Variants in RALGAPB observed in about 807,000 individuals in gnomAD.
The protein encoded by RALGAPB is ral GTPase-activating protein subunit beta.
RALGAPB carries 25 observed loss-of-function variants against 161.1 expected under a neutral mutation model. The ratio of observed to expected loss-of-function variants is 0.16; its 90% CI spans 0.11 to 0.22. The LOEUF (loss-of-function observed/expected upper bound fraction) is 0.22. RALGAPB is among the 10% of genes least tolerant of loss of function. The pLI is 1.00. For missense variants in RALGAPB, 1,391 were observed against 1,815.2 expected (o/e 0.77, Z 4.25); for synonymous variants, 629 against 626.1 (o/e 1.00, Z -0.07).
At chr20:38,539,434 C>T (rs2086901433) in intron 16 of RALGAPB, among the ~76,000 whole-genome samples, 1 of 152,136 alleles carries the variant, frequency 6.6e-6, no homozygotes, top group African/African-American at 2.4e-5. Flanking sequence ...TTCTGCAGAG[C>T]CTAGTGCATC....
In RALGAPB at chr20:38,517,621, T is replaced by A; in HGVS notation, c.1167T>A (p.Val389=). The A allele has an allele frequency of 6.2e-7, 1 of 1,614,066 alleles. No individual in the cohort carries two copies. The highest frequency in any genetic ancestry group is 8.5e-7 in the Non-Finnish European group (1 of 1,180,020). Residue 389 remains valine, a synonymous_variant, in exon 8 of 30, where the codon GTT becomes GTA. Transcript: ENST00000262879. ...CACATAACCGGAGGCACCGGGCTGTTACTGTGAATAAGGCCACCATGAAGA... is the reference window on the plus strand; with the variant it reads ...CACATAACCGGAGGCACCGGGCTGTAACTGTGAATAAGGCCACCATGAAGA... The part of the protein sequence containing the change: ...TPPHNRRHRA[V]TVNKATMKTS...
intron 17 of RALGAPB, among the ~76,000 whole-genome samples, chr20:38,540,737 A>G (rs1028850326): frequency 2.0e-5 from 3 of 152,050 alleles, no homozygotes; most frequent in African/African-American, 7.2e-5. Context: ...CTGAATTACT[A>G]TTTAATCTCT....
Position 38,552,513 on chromosome 20 carries a change from T to G in RALGAPB, c.3162+1290T>G, listed in dbSNP as rs562114254. Among the ~76,000 whole-genome samples, 126 of 152,206 alleles carry G rather than the reference T, an allele frequency of 8.3e-4. 1 individual carries two copies. The highest frequency in any genetic ancestry group is 2.9e-3 in the African/African-American group (120 of 41,516). On this transcript the variant is annotated intron_variant, in intron 21 of 29. Coordinates refer to ENST00000262879, the MANE Select transcript of RALGAPB (RefSeq NM_020336.4). ...GAGGATTATGAACATGCTTATAGAT[T>G]GAAAGGAAGAAACCAGTAGAGAGGA...
rs201121099 is a variant in RALGAPB at position 38,521,483 on chromosome 20, T to C, written c.1418-14T>C. 1.5e-5 allele frequency: 25 copies of C among 1,613,826 alleles called. No individual in the cohort carries two copies. The highest frequency in any genetic ancestry group is 8.5e-7 in the Non-Finnish European group (1 of 1,179,886). On this transcript the variant is annotated splice_polypyrimidine_tract_variant and intron_variant, in intron 9 of 29. Coordinates refer to ENST00000262879, the MANE Select transcript of RALGAPB (RefSeq NM_020336.4). ...TATTGCAAATATAATAAAACCCTCC[T>C]TTTCTCTCCCCAGCCATTACAACAC...
At chr20:38,474,451 AT>A (rs377462634) in intron 1 of RALGAPB, among the ~76,000 whole-genome samples, 9 of 150,852 alleles carry the variant, frequency 6.0e-5, no homozygotes, top group Admixed American at 1.3e-4. Flanking sequence ...TAATTTTTGA[AT>A]TTTTTTTGTA....
At position 38,566,988 on chromosome 20, in the gene RALGAPB, G is replaced by A. The variant is rs1373692897; in HGVS notation, c.3818-108G>A. 7 of 1,458,124 alleles carry A rather than the reference G, an allele frequency of 4.8e-6. No individual in the cohort carries two copies. The East Asian group carries it at 1.7e-4, about 35-fold the overall frequency. The allele number at this position is 1,458,124 out of a possible 1,614,324, so 90.3% of individuals were successfully genotyped here. A position where few individuals can be genotyped will look rare whatever the true frequency, so the allele number is the denominator to read the frequency against. The stretch of plus-strand genomic sequence containing the variant: ...TGTCAGCCCTTGCTCTCGAAGCAAT[G>A]CTTTGTTTAAGTGATTTAGGTTAGA... On this transcript the variant is annotated intron_variant, in intron 25 of 29. Coordinates refer to ENST00000262879, the MANE Select transcript of RALGAPB (RefSeq NM_020336.4).
chr20:38,557,989 A>G (rs2087647665), intron 22 of RALGAPB, among the ~76,000 whole-genome samples: 1 of 152,236 alleles, frequency 6.6e-6, no homozygotes, highest in Non-Finnish European at 1.5e-5. Flanking sequence ...TTTCACCAGT[A>G]AGGAATGAGA....
Position 38,548,654 on chromosome 20 carries a change from G to A in RALGAPB, c.2903-35G>A, listed in dbSNP as rs770549414. On this transcript the variant is annotated intron_variant, in intron 19 of 29. Coordinates refer to ENST00000262879, the MANE Select transcript of RALGAPB (RefSeq NM_020336.4). Reference sequence around the variant, plus strand: ...AGTTTATTTTAAATGGTTGTTGTCTGAAATTAAAACTTTTATATACATATT... The same window carrying A: ...AGTTTATTTTAAATGGTTGTTGTCTAAAATTAAAACTTTTATATACATATT... The A allele has an allele frequency of 1.3e-5, 19 of 1,513,550 alleles. No individual in the cohort carries two copies. In the South Asian group the frequency reaches 2.1e-4, roughly 17 times the overall value. The allele number at this position is 1,513,550 out of a possible 1,614,324, so 93.8% of individuals were successfully genotyped here.
chr20:38,518,693 A>G (rs2086203976), intron 9 of RALGAPB, among the ~76,000 whole-genome samples: 1 of 152,122 alleles, frequency 6.6e-6, no homozygotes, highest in Non-Finnish European at 1.5e-5. Context: ...AATGTTTTGA[A>G]TATTTATAAT....
At chr20:38,493,222 T>TCAGAGGACTAACAATGAA in intron 3 of RALGAPB, 90 bp downstream of exon 3, 1 of 1,055,626 alleles carries the variant, frequency 9.5e-7, no homozygotes, top group Non-Finnish European at 1.4e-6. Context: ...ATTTCATTGT[T>TCAGAGGACTAACAATGAA]AGTCCTCTGA....
Position 38,497,637 on chromosome 20 carries a change from G to T in RALGAPB, c.553+121G>T, listed in dbSNP as rs370010432. The T allele has an allele frequency of 1.6e-5, 17 of 1,075,796 alleles. No individual in the cohort carries two copies. In the South Asian group the frequency reaches 2.4e-4, roughly 15 times the overall value. The allele number at this position is 1,075,796 out of a possible 1,614,324, so 66.6% of individuals were successfully genotyped here. On this transcript the variant is annotated intron_variant, in intron 4 of 29. Coordinates refer to ENST00000262879, the MANE Select transcript of RALGAPB (RefSeq NM_020336.4). ...TTGGCATGATGGTTTACAAACAAAG[G>T]TTAACAGTTCTTAGAATGGAAACTC...
intron 24 of RALGAPB, among the ~76,000 whole-genome samples, chr20:38,564,612 A>G (rs1171354159): frequency 6.6e-6 from 1 of 152,086 alleles, no homozygotes; most frequent in Non-Finnish European, 1.5e-5. Flanking sequence ...GTTCATTTTA[A>G]TTGAGAACTA....
chr20:38,519,710 A>G (rs1482102254), intron 9 of RALGAPB, among the ~76,000 whole-genome samples: 2 of 152,204 alleles, frequency 1.3e-5, no homozygotes, highest in South Asian at 2.1e-4. Flanking sequence ...TACATTACCC[A>G]GGAGATATGA....
At chr20:38,514,498 G>A (rs985460857) in intron 6 of RALGAPB, among the ~76,000 whole-genome samples, 1 of 152,256 alleles carries the variant, frequency 6.6e-6, no homozygotes, top group East Asian at 1.9e-4. Flanking sequence ...CCTCCTTTAG[G>A]ACAGTTTTAC....
chr20:38,564,818 C>T (rs2087925551), intron 24 of RALGAPB, among the ~76,000 whole-genome samples: 1 of 152,110 alleles, frequency 6.6e-6, no homozygotes, highest in Non-Finnish European at 1.5e-5. Flanking sequence ...AGATAACGCA[C>T]ATGTGCACTC....
chr20:38,505,896 G>A (rs1442047247), intron 5 of RALGAPB, among the ~76,000 whole-genome samples: 1 of 152,040 alleles, frequency 6.6e-6, no homozygotes, highest in Admixed American at 6.5e-5. Flanking sequence ...CAAAAAAGTT[G>A]ACAATTCTTT....
rs2087481151 is a variant in RALGAPB, at chr20:38,553,896, T to C, written c.3192T>C (p.Ser1064=). The C allele has an allele frequency of 6.2e-7, 1 of 1,611,796 alleles. No homozygotes were observed. Among genetic ancestry groups the C allele is most frequent in the Non-Finnish European group, 8.5e-7 (1 of 1,179,182 alleles). Residue 1064 remains serine (S), a synonymous_variant, in exon 22 of 30, where the codon AGT becomes AGC. Coordinates refer to ENST00000262879, the MANE Select transcript of RALGAPB (RefSeq NM_020336.4). ...ELEERHEKLR[S]GMAQQIAYEI... ...AAGAGAGACACGAAAAATTAAGGAG[T>C]GGCATGGCCCAGCAGATTGCTTATG... is the stretch of plus-strand genomic sequence containing the variant.
intron 2 of RALGAPB, 25 bp from the exon 3 acceptor site, chr20:38,492,905 T>C: frequency 6.4e-7 from 1 of 1,551,782 alleles, no homozygotes; most frequent in African/African-American, 1.4e-5. Flanking sequence ...GTAATAATTC[T>C]ATATGGATAT....
intron 5 of RALGAPB, among the ~76,000 whole-genome samples, chr20:38,504,925 CA>C (rs1184504961): frequency 6.6e-5 from 10 of 152,058 alleles, no homozygotes; most frequent in Admixed American, 5.2e-4. Context: ...GTCAAAAAAA[CA>C]GTAGATGCTG....
Sources: allele counts gnomAD v4.1 joint callset (sites outside exome capture counted in the v4.1 genomes callset), GRCh38; gene constraint gnomAD v4.1.1; transcripts MANE v1.5; gene names NCBI Gene and HGNC (gene_info 2026-07-23, HGNC 2026-07-21).